TMEM243: variants seen among roughly 807,000 people sequenced by gnomAD.
TMEM243 encodes the protein MDR1 and mitochondrial taxol resistance associated.
In TMEM243, 20 loss-of-function variants were observed where a neutral mutation model predicts 15.0. The ratio of observed to expected loss-of-function variants is 1.33; its 90% CI spans 0.94 to 1.93. The LOEUF is 1.93. Ranked by LOEUF, TMEM243 falls within the 30% of genes most tolerant of loss-of-function variation. The pLI is 0.00. For missense variants in TMEM243, 156 were observed against 142.1 expected, an observed-to-expected ratio of 1.10 and a Z score of -0.50; for synonymous variants, 72 against 52.7, an observed-to-expected ratio of 1.37 and a Z score of -1.59.
At chr7:87,220,050 C>T (rs1176693229), upstream of TMEM243, among the ~76,000 whole-genome samples, 4 of 152,254 alleles carry the variant, frequency 2.6e-5, no homozygotes, top group Non-Finnish European at 4.4e-5. Context: ...AACCCCTCGC[C>T]TAGCCTTCTG....
chr7:87,206,972 G>A (rs1802269710), intron 1 of TMEM243, among the ~76,000 whole-genome samples: 1 of 152,220 alleles, frequency 6.6e-6, no homozygotes, highest in Non-Finnish European at 1.5e-5. Flanking sequence ...ACTGCTGCAG[G>A]GCAGGCATGC....
At chr7:87,205,575 C>G (rs1392287918) in intron 1 of TMEM243, among the ~76,000 whole-genome samples, 1 of 152,182 alleles carries the variant, frequency 6.6e-6, no homozygotes, top group African/African-American at 2.4e-5. Flanking sequence ...CCACAAATCT[C>G]TAGGGCTGGG....
Position 87,196,174 on chromosome 7 carries a change from TTTTA to T in TMEM243, c.*458_*461del, listed in dbSNP as rs762912347. 6.5e-6 allele frequency: 1 copy of T among 153,390 alleles called. No homozygotes were observed. Among genetic ancestry groups the T allele is most frequent in the Admixed American group, 6.6e-5 (1 of 15,250 alleles). 9.5% of individuals were successfully genotyped at this position (153,390 alleles called of 1,614,324 possible). On this transcript the variant is annotated 3_prime_UTR_variant, in exon 4 of 4. Transcript: ENST00000257637. ...GAAAAAAAAACCCTTGTATAAATTA[TTTTA>T]TTTATTATTGTAATTAGATCTTCAC... is the stretch of plus-strand genomic sequence containing the variant.
chr7:87,197,623 C>T lies in TMEM243; in HGVS notation c.234+318G>A, dbSNP rs374094579. The stretch of plus-strand genomic sequence containing the variant: ...ATTTCCCAAAGACTGTTGGCCCTTA[C>T]GTAGTCCTTGAGTGAAGATGAATTA... On this transcript the variant is annotated intron_variant, in intron 3 of 3. Transcript: ENST00000257637. 1.4e-4 allele frequency: 123 copies of T among 864,812 alleles called. 2 individuals carry two copies. In the East Asian group the frequency reaches 1.7e-3, roughly 12 times the overall value. 53.6% of individuals were successfully genotyped at this position (864,812 alleles called of 1,614,324 possible).
chr7:87,199,020 G>A lies in TMEM243; in HGVS notation c.116C>T (p.Ser39Phe). The part of the protein sequence containing the change: ...IINLVVGSLT[S>F]LLILVTLISA... ...GAGGATACTTACTAGAATCAATAAG[G>A]ATGTTAAGCTGCCAACAACTAAATT... Residue 39 changes from serine (S) to phenylalanine (F), a missense_variant, in exon 2 of 4, where the codon TCC becomes TTC. Coordinates refer to ENST00000257637, the MANE Select transcript of TMEM243 (RefSeq NM_024315.4). 2 of 1,604,590 alleles carry A rather than the reference G, an allele frequency of 1.2e-6. No individual in the cohort carries two copies. The highest frequency in any genetic ancestry group is 1.3e-5 in the African/African-American group (1 of 74,154).
intron 1 of TMEM243, among the ~76,000 whole-genome samples, chr7:87,214,569 A>G (rs1451094696): frequency 6.6e-6 from 1 of 152,206 alleles, no homozygotes; most frequent in African/African-American, 2.4e-5. Context: ...CCACCTAAAC[A>G]GTTTATAAAG....
At chr7:87,196,920 TCTTACTC>T (rs1364345680) in intron 3 of TMEM243, among the ~76,000 whole-genome samples, 162 bp from the exon 4 acceptor site, 10 of 151,358 alleles carry the variant, frequency 6.6e-5, no homozygotes, top group African/African-American at 2.4e-4. Flanking sequence ...AGAATTTAAT[TCTTACTC>T]TGAGTTTCCA....
At chr7:87,211,331 G>A (rs1802730117) in intron 1 of TMEM243, among the ~76,000 whole-genome samples, 1 of 152,138 alleles carries the variant, frequency 6.6e-6, no homozygotes, top group Non-Finnish European at 1.5e-5. Context: ...GACAGTGATT[G>A]TCTTCTCCTG....
intron 1 of TMEM243, among the ~76,000 whole-genome samples, chr7:87,214,092 T>C (rs1428670824): frequency 6.6e-6 from 1 of 152,198 alleles, no homozygotes; most frequent in Non-Finnish European, 1.5e-5. Flanking sequence ...TGGCACCAAG[T>C]GGAGAGTGTT....
At chr7:87,206,932 TG>T (rs778518184) in intron 1 of TMEM243, among the ~76,000 whole-genome samples, 1 of 152,268 alleles carries the variant, frequency 6.6e-6, no homozygotes, top group African/African-American at 2.4e-5. Context: ...ACTTAGGGCC[TG>T]GCCTATCAAT....
chr7:87,212,450 A>G (rs1584547787), intron 1 of TMEM243, among the ~76,000 whole-genome samples: 2 of 152,194 alleles, frequency 1.3e-5, no homozygotes, highest in African/African-American at 2.4e-5. Context: ...AAGTGACTCA[A>G]TTCAGTAAGC....
At chr7:87,199,836 T>A (rs759230159) in intron 1 of TMEM243, among the ~76,000 whole-genome samples, 1 of 152,134 alleles carries the variant, frequency 6.6e-6, no homozygotes, top group East Asian at 1.9e-4. Context: ...GATTCCTAAA[T>A]CCAGGTCACT....
Position 87,219,456 on chromosome 7 carries a change from G to C in TMEM243, c.48C>G (p.Asn16Lys), listed in dbSNP as rs1318481451. Residue 16 changes from asparagine (N) to lysine (K), a missense_variant, in exon 1 of 4, where the codon AAC becomes AAG. By Grantham distance (94) the Asn-to-Lys change is moderately conservative (BLOSUM62 0). Transcript: ENST00000257637. Reference protein sequence around the residue: ...TRTYGTSGLDNRPLFGETSAK... With the variant: ...TRTYGTSGLDKRPLFGETSAK... ...CGGACGTCTCCCCAAACAGAGGTCT[G>C]TTGTCCAGGCCACTGGTGCCGTAGG... 1.2e-6 allele frequency: 2 copies of C among 1,614,254 alleles called. No individual in the cohort carries two copies. The highest frequency in any genetic ancestry group is 1.7e-6 in the Non-Finnish European group (2 of 1,180,046).
chr7:87,212,188 C>T (rs1802801752), intron 1 of TMEM243, among the ~76,000 whole-genome samples: 1 of 152,138 alleles, frequency 6.6e-6, no homozygotes, highest in African/African-American at 2.4e-5. Context: ...TAAATGGCAG[C>T]TAATATGGTA....
chr7:87,202,083 A>G (rs1801854855), intron 1 of TMEM243, among the ~76,000 whole-genome samples: 1 of 152,210 alleles, frequency 6.6e-6, no homozygotes, highest in South Asian at 2.1e-4. Context: ...GATTTCACCT[A>G]TATCATCTTG....
At chr7:87,205,966 A>G (rs956866530) in intron 1 of TMEM243, among the ~76,000 whole-genome samples, 1 of 152,196 alleles carries the variant, frequency 6.6e-6, no homozygotes, top group Admixed American at 6.5e-5. Flanking sequence ...GACATACCTG[A>G]GACTGGGTAA....
intron 1 of TMEM243, among the ~76,000 whole-genome samples, chr7:87,210,165 G>A (rs1802643701): frequency 6.6e-6 from 1 of 152,080 alleles, no homozygotes; most frequent in Non-Finnish European, 1.5e-5. Flanking sequence ...GACAGCACTG[G>A]GGGATGGTGC....
intron 1 of TMEM243, among the ~76,000 whole-genome samples, chr7:87,205,944 A>C (rs901743819): frequency 5.3e-5 from 8 of 152,134 alleles, no homozygotes. Context: ...CCGTTTTCAC[A>C]CTGCTGATAA....
intron 1 of TMEM243, chr7:87,202,870 C>T (rs537392019): frequency 6.6e-6 from 1 of 152,334 alleles, no homozygotes. Flanking sequence ...CCTTTCAGTT[C>T]TTACACTTTA....
Sources: gnomAD v4.1 joint callset for allele counts (sites outside exome capture counted in the v4.1 genomes callset) on GRCh38, gnomAD v4.1.1 for gene constraint, MANE v1.5 for transcripts, NCBI Gene and HGNC (gene_info 2026-07-23, HGNC 2026-07-21) for gene names.